The following CUL2 variants were observed in gnomAD, a reference collection of about 807,000 sequenced individuals.
The protein encoded by CUL2 is cullin-2.
In CUL2, 22 loss-of-function variants were observed where a neutral mutation model predicts 110.2. That is an observed-to-expected ratio of 0.20 (90% CI 0.14 to 0.28). The LOEUF is 0.28. Among genes scored for constraint, CUL2 ranks in the 10% least tolerant of loss-of-function variants. The pLI, the probability that CUL2 is intolerant of heterozygous loss-of-function variation, is 1.00. For synonymous variants in CUL2, 279 were observed against 293.2 expected, an observed-to-expected ratio of 0.95 and a Z score of 0.49; for missense variants, 631 against 905.5, an observed-to-expected ratio of 0.70 and a Z score of 3.89.
At chr10:35,098,852 T>G (rs1209613303) in intron 2 of CUL2, among the ~76,000 whole-genome samples, 3 of 152,136 alleles carry the variant, frequency 2.0e-5, no homozygotes, top group Non-Finnish European at 2.9e-5. Context: ...GAGAATTGCT[T>G]GAACCTAGGA....
intron 8 of CUL2, among the ~76,000 whole-genome samples, chr10:35,043,407 C>A (rs2085845752): frequency 6.6e-6 from 1 of 152,098 alleles, no homozygotes. Flanking sequence ...GCTCAGGGGA[C>A]AGAGCTAACT....
chr10:35,112,648 G>C (rs1184892162), intron 1 of CUL2, among the ~76,000 whole-genome samples: 2 of 152,152 alleles, frequency 1.3e-5, no homozygotes, highest in African/African-American at 4.8e-5. Flanking sequence ...ACTGGGGCCA[G>C]AGAAATAATC....
chr10:35,086,283 G>T (rs549370377), intron 1 of CUL2, among the ~76,000 whole-genome samples: 2 of 152,104 alleles, frequency 1.3e-5, no homozygotes, highest in Admixed American at 6.6e-5. Context: ...AATTGTTTGA[G>T]CCCAGGAGTT....
intron 4 of CUL2, among the ~76,000 whole-genome samples, chr10:35,058,309 A>G (rs2086293896): frequency 6.6e-6 from 1 of 152,152 alleles, no homozygotes; most frequent in Non-Finnish European, 1.5e-5. Context: ...TAACTCTTAC[A>G]AGTTTGTGTC....
intron 16 of CUL2, 143 bp downstream of exon 16, chr10:35,028,667 C>T: frequency 1.9e-6 from 1 of 533,702 alleles, no homozygotes; most frequent in Admixed American, 3.2e-5. Flanking sequence ...TACATTCTTC[C>T]TAAAGGGCAG....
At chr10:35,047,763 A>G (rs567263404) in intron 6 of CUL2, among the ~76,000 whole-genome samples, 6 of 149,796 alleles carry the variant, frequency 4.0e-5, no homozygotes, top group South Asian at 4.3e-4. Flanking sequence ...CTAAAAATAC[A>G]AAAATTAGCA....
chr10:35,125,881 G>C lies in CUL2; in HGVS notation c.-51+724C>G, dbSNP rs563710913. On this transcript the variant is annotated intron_variant, in intron 1 of 5. Coordinates refer to the CUL2 transcript ENST00000685421. ...GCCTCGCTCTGTCACCCAGACTGGA[G>C]TGCAGTGGAACGATCTCAGCTCACT... Among the ~76,000 whole-genome samples the C allele has an allele frequency of 2.6e-4, 39 of 152,246 alleles. No homozygotes were observed. In the East Asian group the frequency reaches 7.1e-3, roughly 28 times the overall value.
intron 1 of CUL2, among the ~76,000 whole-genome samples, chr10:35,084,721 C>T (rs1469714513): frequency 6.6e-6 from 1 of 152,182 alleles, no homozygotes; most frequent in Non-Finnish European, 1.5e-5. Flanking sequence ...AATCTCATAA[C>T]ATTCCAAATC....
intron 1 of CUL2, among the ~76,000 whole-genome samples, chr10:35,085,997 C>T (rs1564747535): frequency 3.3e-5 from 5 of 152,020 alleles, no homozygotes; most frequent in Admixed American, 2.6e-4. Flanking sequence ...CCTCCTGAAT[C>T]TAAAATGAAA....
intron 2 of CUL2, among the ~76,000 whole-genome samples, chr10:35,067,165 A>T (rs2086553465): frequency 6.6e-6 from 1 of 150,382 alleles, no homozygotes. Context: ...AAAAGAAATG[A>T]AGACAACAGT....
At chr10:35,071,082 A>G in intron 2 of CUL2, 117 bp downstream of exon 2, 1 of 958,456 alleles carries the variant, frequency 1.0e-6, no homozygotes, top group South Asian at 1.7e-5. Context: ...AATGTAGATG[A>G]TAATATATTA....
At position 35,060,740 on chromosome 10, in the gene CUL2, GAA is replaced by G. The variant is rs772901127; in HGVS notation, c.317+132_317+133del. On this transcript the variant is annotated intron_variant, in intron 4 of 20. Transcript: ENST00000374749. The stretch of plus-strand genomic sequence containing the variant: ...ACTATAGACCTTTCCCCACAGCAGA[GAA>G]AAGTCCATGTCAGAGAGAATGCTTT... 115 of 695,340 alleles carry G rather than the reference GAA, an allele frequency of 1.7e-4. 2 individuals are homozygous for G. The highest frequency in any genetic ancestry group is 8.9e-4 in the East Asian group (32 of 35,980). 43.1% of individuals were successfully genotyped at this position (695,340 alleles called of 1,614,324 possible). A position where few individuals can be genotyped will look rare whatever the true frequency, so the allele number is the denominator to read the frequency against.
intron 2 of CUL2, among the ~76,000 whole-genome samples, chr10:35,070,975 T>C (rs933623663): frequency 2.0e-5 from 3 of 152,170 alleles, no homozygotes; most frequent in African/African-American, 7.2e-5. Context: ...TCCCAAAGCC[T>C]AAAGTAGTCC....
intron 10 of CUL2, 111 bp downstream of exon 10, chr10:35,035,061 G>T: frequency 3.2e-6 from 4 of 1,253,890 alleles, no homozygotes; most frequent in South Asian, 1.4e-5. Flanking sequence ...CATTTCTTTC[G>T]TTGGCATGGT....
At chr10:35,085,256 G>A (rs531435552) in intron 1 of CUL2, among the ~76,000 whole-genome samples, 171 of 145,858 alleles carry the variant, frequency 1.2e-3, no homozygotes, top group Admixed American at 2.0e-3. Context: ...GTGAAACCCC[G>A]TCTCTACTAA....
intron 1 of CUL2, among the ~76,000 whole-genome samples, chr10:35,073,257 A>T (rs116495270): frequency 1.3e-5 from 2 of 152,236 alleles, no homozygotes; most frequent in African/African-American, 4.8e-5. Context: ...TACTCTGCAA[A>T]ATTGAGGGGA....
intron 1 of CUL2, chr10:35,079,563 G>A (rs1564744135): frequency 1.3e-5 from 2 of 152,614 alleles, no homozygotes; most frequent in Non-Finnish European, 2.9e-5. Context: ...CTTATTACAC[G>A]ATATAACTAT....
At chr10:35,042,924 C>G (rs977428296) in intron 8 of CUL2, among the ~76,000 whole-genome samples, 3 of 151,846 alleles carry the variant, frequency 2.0e-5, no homozygotes, top group African/African-American at 7.3e-5. Context: ...AGACTCAGTC[C>G]CCAAACTGTG....
chr10:35,099,373 A>T (rs1269197554), intron 2 of CUL2: 2 of 151,324 alleles, frequency 1.3e-5, no homozygotes, highest in African/African-American at 4.9e-5. Context: ...CCTGGCGACA[A>T]AGTGAGACTC....
Sources: allele counts gnomAD v4.1 joint callset (sites outside exome capture counted in the v4.1 genomes callset), GRCh38; gene constraint gnomAD v4.1.1; transcripts MANE v1.5; gene names NCBI Gene and HGNC (gene_info 2026-07-23, HGNC 2026-07-21).